The following CFAP276 variants were observed in gnomAD, a reference collection of about 807,000 sequenced individuals.
The protein encoded by CFAP276 is cilia and flagella associated protein 276.
At chr1:109,108,171 C>T in the CFAP276 span, 2,014 of 702,278 alleles carry the variant, frequency 2.9e-3, 33 homozygotes, top group African/African-American at 0.032. Flanking sequence ...GAGACAGAAT[C>T]TCACTCTGTC....
At chr1:109,112,619 C>T in the CFAP276 span, 3 of 1,550,550 alleles carry the variant, frequency 1.9e-6, no homozygotes, top group African/African-American at 2.7e-5. Flanking sequence ...CGCAGTTCTC[C>T]TAAGTAGGAA....
chr1:109,112,533 C>T, the CFAP276 span: 10 of 1,540,680 alleles, frequency 6.5e-6, no homozygotes, highest in South Asian at 1.1e-4. Flanking sequence ...CATCTCTGCT[C>T]ATCACACAGA....
At chr1:109,108,017 T>A in the CFAP276 span, 2 of 1,606,314 alleles carry the variant, frequency 1.2e-6, no homozygotes, top group Non-Finnish European at 1.7e-6. Flanking sequence ...CAAGGTGTGT[T>A]GGGTTCTTAT....
the CFAP276 span, chr1:109,113,719 G>A: frequency 1.9e-6 from 3 of 1,611,064 alleles, no homozygotes; most frequent in South Asian, 1.1e-5. Flanking sequence ...CAACATCGGA[G>A]ATGCTCATAA....
At chr1:109,106,493 C>G in the CFAP276 span, 1 of 1,602,050 alleles carries the variant, frequency 6.2e-7, no homozygotes, top group Non-Finnish European at 8.5e-7. Flanking sequence ...TAGAAAGACT[C>G]CCCCACTGCC....
the CFAP276 span, among the ~76,000 whole-genome samples, chr1:109,113,416 AAGAGAGAGAGAGAGAGAGAGAGAGAGAG>A: frequency 5.9e-5 from 4 of 68,040 alleles, 1 homozygote; most frequent in African/African-American, 2.5e-4. Flanking sequence ...GAGAGAGAGA[AAGAGAGAGAGAGAGAGAGAGAGAGAGAG>A]AGAGAGAGAG....
the CFAP276 span, among the ~76,000 whole-genome samples, chr1:109,111,061 C>T: frequency 6.6e-6 from 1 of 152,176 alleles, no homozygotes; most frequent in Non-Finnish European, 1.5e-5. Context: ...TCCTGGAGAT[C>T]ACCTCACCTG....
the CFAP276 span, chr1:109,106,161 T>C: frequency 7.2e-7 from 1 of 1,390,212 alleles, no homozygotes; most frequent in Non-Finnish European, 1.0e-6. Context: ...TCTAGGAAAC[T>C]TTAAACATCA....
chr1:109,107,862 GAAA>G, the CFAP276 span: 209 of 1,206,840 alleles, frequency 1.7e-4, no homozygotes, highest in Middle Eastern at 5.4e-4. Flanking sequence ...TGGGTGACAG[GAAA>G]AAAAAAAAAA....
chr1:109,111,643 T>TC, the CFAP276 span, among the ~76,000 whole-genome samples: 1 of 152,256 alleles, frequency 6.6e-6, no homozygotes, highest in Non-Finnish European at 1.5e-5. Flanking sequence ...TATTTGCAGT[T>TC]CCCCAAATAA....
At chr1:109,106,248 C>T in the CFAP276 span, 2 of 749,370 alleles carry the variant, frequency 2.7e-6, no homozygotes, top group Admixed American at 6.0e-5. Context: ...ATGGGAGGTA[C>T]TTATAGGTCT....
At chr1:109,107,107 G>T in the CFAP276 span, 1 of 1,614,116 alleles carries the variant, frequency 6.2e-7, no homozygotes, top group South Asian at 1.1e-5. Flanking sequence ...CGGAAGTCCA[G>T]GTCATCCTTT....
At chr1:109,106,316 G>GC in the CFAP276 span, among the ~76,000 whole-genome samples, 1 of 152,152 alleles carries the variant, frequency 6.6e-6, no homozygotes, top group Non-Finnish European at 1.5e-5. Context: ...CTAAGGCTGA[G>GC]CAAAGAGGCT....
At chr1:109,113,558 C>T in the CFAP276 span, 76 of 1,499,006 alleles carry the variant, frequency 5.1e-5, 1 homozygote, top group Middle Eastern at 8.5e-4. Flanking sequence ...CTCTTCTAGC[C>T]GGTTGTAAAA....
At chr1:109,108,027 T>TTTTTTTTTTTTTTTTTTTTTTTTTA in the CFAP276 span, 1 of 1,600,712 alleles carries the variant, frequency 6.2e-7, no homozygotes, top group Non-Finnish European at 8.6e-7. Flanking sequence ...TGGGTTCTTA[T>TTTTTTTTTTTTTTTTTTTTTTTTTA]ATGGCAATTT....
the CFAP276 span, chr1:109,106,413 C>T: frequency 1.5e-6 from 2 of 1,300,878 alleles, no homozygotes; most frequent in South Asian, 1.5e-5. Context: ...CATTGCTTTC[C>T]AAGACCCACA....
At chr1:109,113,216 C>G in the CFAP276 span, among the ~76,000 whole-genome samples, 134 of 152,008 alleles carry the variant, frequency 8.8e-4, no homozygotes, top group African/African-American at 3.1e-3. Context: ...ATGGCGAAAC[C>G]CCGTCTCTAC....
At chr1:109,107,338 G>A in the CFAP276 span, among the ~76,000 whole-genome samples, 5 of 152,168 alleles carry the variant, frequency 3.3e-5, no homozygotes, top group Non-Finnish European at 7.4e-5. Context: ...GCTCTCACTG[G>A]AGACTCAGGA....
chr1:109,109,591 C>T, the CFAP276 span, among the ~76,000 whole-genome samples: 2 of 125,470 alleles, frequency 1.6e-5, no homozygotes, highest in East Asian at 2.5e-4. Flanking sequence ...GACTGGAGTA[C>T]AGTGGCATGA....
Sources: gnomAD v4.1 joint callset for allele counts (sites outside exome capture counted in the v4.1 genomes callset) on GRCh38, gnomAD v4.1.1 for gene constraint, MANE v1.5 for transcripts, NCBI Gene and HGNC (gene_info 2026-07-23, HGNC 2026-07-21) for gene names.